TRIM37: variants seen among roughly 807,000 people sequenced by gnomAD.
TRIM37 encodes E3 ubiquitin-protein ligase TRIM37.
Under a neutral mutation model 129.8 loss-of-function variants are expected in TRIM37, and 80 were observed. The ratio of observed to expected loss-of-function variants is 0.62; its 90% CI spans 0.51 to 0.74. TRIM37 has a LOEUF of 0.74. Ranked by LOEUF, TRIM37 falls within the 30% of genes least tolerant of loss-of-function variation. TRIM37 has a pLI of 0.00. For missense variants in TRIM37, 1,054 were observed against 1,176.5 expected, an observed-to-expected ratio of 0.90 and a Z score of 1.52; for synonymous variants, 389 against 387.1, an observed-to-expected ratio of 1.00 and a Z score of -0.06.
chr17:59,086,724 C>T (rs565717136), intron 4 of TRIM37, among the ~76,000 whole-genome samples: 5 of 151,996 alleles, frequency 3.3e-5, no homozygotes, highest in African/African-American at 9.7e-5. Context: ...TCCAAAAGAC[C>T]AAATTTATAA....
chr17:59,104,458 G>C (rs1353867578), intron 1 of TRIM37, 64 bp from the exon 2 acceptor site: 1 of 1,372,112 alleles, frequency 7.3e-7, no homozygotes, highest in Non-Finnish European at 1.0e-6. Context: ...TAAAAGGCAA[G>C]CTCAAAACAA....
intron 17 of TRIM37, among the ~76,000 whole-genome samples, chr17:59,037,762 A>G (rs1013962897): frequency 3.3e-5 from 5 of 151,964 alleles, no homozygotes; most frequent in Admixed American, 2.0e-4. Context: ...ACTAAATCCT[A>G]TACTTTATTG....
In TRIM37 at chr17:59,081,190, T is replaced by C. The variant is rs764337894; in HGVS notation, c.399A>G (p.Ala133=). Residue 133 remains alanine (A), a synonymous_variant, in exon 6 of 24, where the codon GCA becomes GCG. Coordinates refer to ENST00000262294, the MANE Select transcript of TRIM37 (RefSeq NM_015294.6). ...MHGGHTFKPL[A]EIYEQHVTKV... ...TAGTGACGTGTTGCTCATAAATTTCTGCCAAAGGTTTAAAGGTATGTCCGC... is the reference window on the plus strand; with the variant it reads ...TAGTGACGTGTTGCTCATAAATTTCCGCCAAAGGTTTAAAGGTATGTCCGC... The C allele has an allele frequency of 6.2e-7, 1 of 1,613,992 alleles. No homozygotes were observed. The highest frequency in any genetic ancestry group is 8.5e-7 in the Non-Finnish European group (1 of 1,179,916).
intron 16 of TRIM37, 70 bp downstream of exon 16, chr17:59,047,611 AGT>A: frequency 6.8e-7 from 1 of 1,461,404 alleles, no homozygotes; most frequent in Non-Finnish European, 9.4e-7. Context: ...CCTACATTTA[AGT>A]GTGAGTTAGT....
At chr17:59,064,462 C>T (rs2041768717) in intron 9 of TRIM37, 57 bp from the exon 10 acceptor site, 14 of 1,343,268 alleles carry the variant, frequency 1.0e-5, no homozygotes, top group Non-Finnish European at 1.2e-5. Context: ...ATTCCATTTG[C>T]CTAAAAAAGC....
chr17:59,001,415 T>C (rs539391495), intron 23 of TRIM37, among the ~76,000 whole-genome samples, 183 bp downstream of exon 23: 3 of 138,040 alleles, frequency 2.2e-5, no homozygotes, highest in South Asian at 2.3e-4. Flanking sequence ...CTCACCATAA[T>C]AGTTAACCAA....
downstream of TRIM37, chr17:58,980,608 A>G (rs564602902): frequency 1.9e-6 from 3 of 1,614,208 alleles, no homozygotes; most frequent in Admixed American, 3.3e-5. This position sits in a 1 kb window ranked among gnomAD's most constrained non-coding sequence, Gnocchi z 4.7. Flanking sequence ...CAGTTCAGTC[A>G]TCATTGCCTG....
intron 13 of TRIM37, among the ~76,000 whole-genome samples, chr17:59,051,734 G>GTT (rs765874078): frequency 9.7e-5 from 14 of 144,976 alleles, no homozygotes; most frequent in Admixed American, 2.1e-4. Context: ...AAAATACAAA[G>GTT]TTTTTTTTTT....
downstream of TRIM37, chr17:58,981,959 C>A (rs2031378383): frequency 6.6e-6 from 1 of 152,470 alleles, no homozygotes; most frequent in African/African-American, 2.4e-5. Flanking sequence ...TTTTTTAGTT[C>A]AGACAGCAAA....
chr17:59,055,158 G>T (rs147928696), intron 13 of TRIM37, among the ~76,000 whole-genome samples: 7 of 151,552 alleles, frequency 4.6e-5, no homozygotes, highest in African/African-American at 1.7e-4. Flanking sequence ...TCAACACGGA[G>T]AAACCCCATC....
intron 3 of TRIM37, among the ~76,000 whole-genome samples, chr17:59,090,286 A>T (rs565412688): frequency 3.3e-4 from 51 of 152,302 alleles, no homozygotes; most frequent in African/African-American, 1.2e-3. Flanking sequence ...GTATACATAC[A>T]ATCAAGAAAA....
intron 17 of TRIM37, among the ~76,000 whole-genome samples, chr17:59,040,059 C>A (rs948521591): frequency 6.6e-6 from 1 of 151,936 alleles, no homozygotes; most frequent in African/African-American, 2.4e-5. Context: ...TTAGCCACCA[C>A]ATCTGGCTAA....
At chr17:59,052,423 C>G (rs1001030066) in intron 13 of TRIM37, among the ~76,000 whole-genome samples, 1 of 152,118 alleles carries the variant, frequency 6.6e-6, no homozygotes, top group Non-Finnish European at 1.5e-5. Flanking sequence ...GTTAGCTGTT[C>G]ATTTTTTTCT....
At chr17:58,969,039 T>A in the TRIM37 span, among the ~76,000 whole-genome samples, 1 of 152,246 alleles carries the variant, frequency 6.6e-6, no homozygotes, top group African/African-American at 2.4e-5. Flanking sequence ...TGCTTTCATA[T>A]CTTTATATAT....
chr17:59,105,186 T>A (rs1348721218), intron 1 of TRIM37, among the ~76,000 whole-genome samples: 1 of 151,778 alleles, frequency 6.6e-6, no homozygotes, highest in Non-Finnish European at 1.5e-5. Flanking sequence ...CCCCAAAAGG[T>A]ATAAACTGAT....
At chr17:59,084,389 T>C (rs879298805) in intron 4 of TRIM37, among the ~76,000 whole-genome samples, 11 of 152,204 alleles carry the variant, frequency 7.2e-5, no homozygotes, top group East Asian at 3.8e-4. Context: ...ATATATTCTA[T>C]TGTACTACTA....
downstream of TRIM37, among the ~76,000 whole-genome samples, chr17:58,995,338 C>A: frequency 6.6e-6 from 1 of 151,322 alleles, no homozygotes. Context: ...ACCATGGTTC[C>A]TTAGGAAGTG....
At chr17:59,062,027 T>C (rs1438034483) in intron 11 of TRIM37, among the ~76,000 whole-genome samples, 3 of 151,372 alleles carry the variant, frequency 2.0e-5, no homozygotes, top group African/African-American at 7.3e-5. Context: ...ACAAAACTTT[T>C]CTAAAAAAAA....
At chr17:59,065,972 C>G (rs1417780367) in intron 9 of TRIM37, among the ~76,000 whole-genome samples, 1 of 152,184 alleles carries the variant, frequency 6.6e-6, no homozygotes, top group Non-Finnish European at 1.5e-5. Context: ...GTCAAGAATT[C>G]CTATGATATC....
Sources: allele counts gnomAD v4.1 joint callset (sites outside exome capture counted in the v4.1 genomes callset), GRCh38; gene constraint gnomAD v4.1.1; non-coding constraint Gnocchi (gnomAD v3.1); transcripts MANE v1.5; gene names NCBI Gene and HGNC (gene_info 2026-07-23, HGNC 2026-07-21).